Variants in CASP4 observed in about 807,000 individuals in gnomAD.
CASP4 encodes caspase 4.
Under a neutral mutation model 41.3 loss-of-function variants are expected in CASP4, and 29 were observed. The observed-to-expected ratio is 0.70, with a 90% CI of 0.52 to 0.96. The LOEUF (loss-of-function observed/expected upper bound fraction) is 0.96. Among genes scored for constraint, CASP4 ranks in the 40% least tolerant of loss-of-function variants. The probability of loss-of-function intolerance (pLI) is 0.00; values close to 1 mark genes in which losing one functional copy is unlikely to be tolerated. For missense variants in CASP4, 447 were observed against 460.6 expected, an observed-to-expected ratio of 0.97 and a Z score of 0.27; for synonymous variants, 185 against 158.4, an observed-to-expected ratio of 1.17 and a Z score of -1.26.
rs1224007753 is a variant in CASP4, at chr11:104,952,014, T to C, written c.263-9A>G. 5.2e-6 allele frequency: 8 copies of C among 1,549,224 alleles called. No homozygotes were observed. The Admixed American group carries it at 1.3e-4, about 26-fold the overall frequency. ...CTCCATATTCGGATGAGCTGCAGGATATTGCAGAACATAAATTGTGATTTC... is the reference window on the plus strand; with the variant it reads ...CTCCATATTCGGATGAGCTGCAGGACATTGCAGAACATAAATTGTGATTTC... On this transcript the variant is annotated splice_polypyrimidine_tract_variant and intron_variant, in intron 2 of 8. Coordinates refer to ENST00000444739, the MANE Select transcript of CASP4 (RefSeq NM_001225.4).
chr11:104,960,287 CT>C (rs1860829028), intron 1 of CASP4, among the ~76,000 whole-genome samples: 1 of 152,080 alleles, frequency 6.6e-6, no homozygotes, highest in Non-Finnish European at 1.5e-5. Flanking sequence ...CTAATTTCTT[CT>C]GGTTTTTGAA....
At position 104,949,694 on chromosome 11, in the gene CASP4, A is replaced by C. The variant is rs774460938; in HGVS notation, c.630T>G (p.His210Gln). 2.5e-6 allele frequency: 4 copies of C among 1,613,974 alleles called. No individual in the cohort carries two copies. The highest frequency in any genetic ancestry group is 1.1e-5 in the South Asian group (1 of 91,084). ...TTCCGCAGATTCCCTCCAGGATGCC[A>C]TGAGACATGAGTACCAAGAATGTGC... Reference protein sequence around the residue: ...SDSTFLVLMSHGILEGICGTV... With the variant: ...SDSTFLVLMSQGILEGICGTV... The change falls in exon 5 of 9, where the codon CAT becomes CAG. Residue 210 changes from histidine (H) to glutamine (Q), a missense_variant. Coordinates refer to ENST00000444739, the MANE Select transcript of CASP4 (RefSeq NM_001225.4).
intron 2 of CASP4, among the ~76,000 whole-genome samples, chr11:104,952,733 G>T (rs1860646253): frequency 2.6e-5 from 4 of 152,116 alleles, no homozygotes. Flanking sequence ...GATTCTAGAA[G>T]AAATGAACTT....
intron 1 of CASP4, among the ~76,000 whole-genome samples, chr11:104,961,796 T>C (rs1422888819): frequency 6.6e-6 from 1 of 152,188 alleles, no homozygotes; most frequent in Non-Finnish European, 1.5e-5. Flanking sequence ...AAGGAATTGC[T>C]GAAGGAAGTC....
chr11:104,966,070 G>A (rs566081844), intron 1 of CASP4, among the ~76,000 whole-genome samples: 54 of 152,232 alleles, frequency 3.5e-4, no homozygotes, highest in African/African-American at 1.2e-3. Context: ...CTGAATGCTC[G>A]GGGAGACTGA....
Position 104,951,113 on chromosome 11 carries a change from G to A in CASP4, c.373-15C>T. 1 of 1,603,688 alleles carries A rather than the reference G, an allele frequency of 6.2e-7. No individual in the cohort carries two copies. Among genetic ancestry groups the A allele is most frequent in the Non-Finnish European group, 8.5e-7 (1 of 1,174,290 alleles). On this transcript the variant is annotated splice_polypyrimidine_tract_variant and intron_variant, in intron 3 of 8. Coordinates refer to ENST00000444739, the MANE Select transcript of CASP4 (RefSeq NM_001225.4). Reference sequence around the variant, plus strand: ...ATTGGATAGATCTGCAGGATATGGAGATGCAATAAATTTAATTTACTCAAG... The same window carrying A: ...ATTGGATAGATCTGCAGGATATGGAAATGCAATAAATTTAATTTACTCAAG...
In CASP4 at chr11:104,947,168, G is replaced by A. The variant is rs749173235; in HGVS notation, c.950C>T (p.Thr317Ile). 9 of 1,611,408 alleles carry A rather than the reference G, an allele frequency of 5.6e-6. No homozygotes were observed. The African/African-American group carries it at 9.4e-5, about 17-fold the overall frequency. Residue 317 changes from threonine (T) to isoleucine (I), a missense_variant, in exon 7 of 9, where the codon ACA becomes ATA. Physicochemically the swap from Thr to Ile is moderately conservative, Grantham distance 89. Transcript: ENST00000444739. The stretch of plus-strand genomic sequence containing the variant: ...TTGTGTGATGAAGATAGAGCCCATT[G>A]TGCTGTCTCTCCAGGACACGTTGTC... Reference protein sequence around the residue: ...TPHNVSWRDSTMGSIFITQLI... With the variant: ...TPHNVSWRDSIMGSIFITQLI...
intron 4 of CASP4, among the ~76,000 whole-genome samples, chr11:104,950,078 A>G (rs1358123361): frequency 1.3e-5 from 2 of 152,102 alleles, no homozygotes; most frequent in Non-Finnish European, 2.9e-5. Context: ...CTAGCAAGTC[A>G]TGTGTTATAA....
rs1403628751 is a variant in CASP4 at position 104,951,007 on chromosome 11, G to T, written c.464C>A (p.Ala155Asp). 1 of 1,613,356 alleles carries T rather than the reference G, an allele frequency of 6.2e-7. No individual in the cohort carries two copies. The highest frequency in any genetic ancestry group is 1.3e-5 in the African/African-American group (1 of 74,850). ...EFDHLPPRNG[A>D]DFDITGMKEL... ...CTTCATCCCTGTGATGTCAAAGTCAGCTCCATTCCTCGGAGGCAGATGGTC... is the reference window on the plus strand; with the variant it reads ...CTTCATCCCTGTGATGTCAAAGTCATCTCCATTCCTCGGAGGCAGATGGTC... Residue 155 changes from alanine to aspartate, a missense_variant, in exon 4 of 9, where the codon GCT (alanine) becomes GAT (aspartate). Transcript: ENST00000444739.
intron 7 of CASP4, among the ~76,000 whole-genome samples, chr11:104,946,193 C>T (rs1348894849): frequency 1.3e-5 from 2 of 152,030 alleles, no homozygotes; most frequent in East Asian, 1.9e-4. Flanking sequence ...TTTCTTTTCC[C>T]GCAGGAGTTT....
Position 104,945,926 on chromosome 11 carries a change from A to C in CASP4, c.1036-1075T>G, listed in dbSNP as rs192360624. Among the ~76,000 whole-genome samples, 85 of 151,870 alleles carry C rather than the reference A, an allele frequency of 5.6e-4. 1 individual carries two copies. In the East Asian group the frequency reaches 0.013, roughly 24 times the overall value. On this transcript the variant is annotated intron_variant, in intron 7 of 8. Transcript: ENST00000444739. The stretch of plus-strand genomic sequence containing the variant: ...TAGTGGTGAAATCTCAGCTCATTGC[A>C]ACCTCCGCTTCCTGAGCTCAAGCGA...
chr11:104,952,359 A>G (rs1433071331), intron 2 of CASP4, among the ~76,000 whole-genome samples: 1 of 152,138 alleles, frequency 6.6e-6, no homozygotes, highest in African/African-American at 2.4e-5. Flanking sequence ...TCTGTGCAAG[A>G]GTATACTGAG....
At chr11:104,955,055 C>A in intron 1 of CASP4, 54 bp from the exon 2 acceptor site, 1 of 1,546,622 alleles carries the variant, frequency 6.5e-7, no homozygotes, top group South Asian at 1.2e-5. Context: ...AAGAGTTTCA[C>A]CCTCACTTTA....
At chr11:104,951,697 A>T in intron 3 of CASP4, 199 bp downstream of exon 3, 3 of 606,678 alleles carry the variant, frequency 4.9e-6, no homozygotes, top group Non-Finnish European at 9.0e-6. Context: ...TCAACTCATG[A>T]TAAAATGATC....
In CASP4 at chr11:104,959,782, T is replaced by A. The variant is rs1167424010; in HGVS notation, c.8-4781A>T. 2.0e-5 allele frequency among the ~76,000 whole-genome samples: 3 copies of A among 152,244 alleles called. No homozygotes were observed. The East Asian group carries it at 5.8e-4, about 29-fold the overall frequency. ...GATATTCAACCTCTTTGGCCTTCTC[T>A]ATGTCTTATTTCCCTTCTTAATTCA... On this transcript the variant is annotated intron_variant, in intron 1 of 8. Transcript: ENST00000444739.
intron 8 of CASP4, chr11:104,944,539 T>C (rs1023753658): frequency 6.0e-6 from 3 of 497,380 alleles, no homozygotes; most frequent in African/African-American, 3.9e-5. Context: ...ACCTCCTTGA[T>C]TGATTGATTG....
chr11:104,951,065 G>T lies in CASP4; in HGVS notation c.406C>A (p.Arg136Ser), dbSNP rs749529160. The change falls in exon 4 of 9, where the codon CGC becomes AGC. Residue 136 changes from arginine (R) to serine (S), a missense_variant. Physicochemically the swap from Arg to Ser is moderately radical, Grantham distance 110. Coordinates refer to ENST00000444739, the MANE Select transcript of CASP4 (RefSeq NM_001225.4). ...YPIKERNNRT[R>S]LALIICNTEF... ...GTATTGCATATGATGAGAGCCAGGC[G>T]TGTGCGGTTGTTTCTCTCCTTTATT... 5.0e-6 allele frequency: 8 copies of T among 1,613,112 alleles called. No homozygotes were observed. The highest frequency in any genetic ancestry group is 5.1e-6 in the Non-Finnish European group (6 of 1,179,442).
intron 1 of CASP4, among the ~76,000 whole-genome samples, chr11:104,960,951 C>T (rs914547074): frequency 5.3e-5 from 8 of 152,186 alleles, no homozygotes; most frequent in Non-Finnish European, 7.3e-5. Context: ...GTAGTCAAGT[C>T]CATGTAGGAA....
chr11:104,949,338 G>T (rs968748216), intron 5 of CASP4: 9 of 588,080 alleles, frequency 1.5e-5, no homozygotes, highest in African/African-American at 1.3e-4. Flanking sequence ...ACTTACTGTG[G>T]ATAAAATTGA....
Sources: gnomAD v4.1 joint callset for allele counts (sites outside exome capture counted in the v4.1 genomes callset) on GRCh38, gnomAD v4.1.1 for gene constraint, MANE v1.5 for transcripts, NCBI Gene and HGNC (gene_info 2026-07-23, HGNC 2026-07-21) for gene names.